The following TRAPPC11 variants were observed in gnomAD, a reference collection of about 807,000 sequenced individuals.
The protein encoded by TRAPPC11 is trafficking protein particle complex subunit 11.
TRAPPC11 carries 104 observed loss-of-function variants against 151.2 expected under a neutral mutation model. That is an observed-to-expected ratio of 0.69 (90% CI 0.59 to 0.81). The LOEUF (loss-of-function observed/expected upper bound fraction) is 0.81, where lower values mean the gene tolerates loss of function less well. Among genes scored for constraint, TRAPPC11 ranks in the 30% least tolerant of loss-of-function variants. The probability of loss-of-function intolerance (pLI) is 0.00; values close to 1 mark genes in which losing one functional copy is unlikely to be tolerated. For synonymous variants in TRAPPC11, 456 were observed against 472.3 expected, an observed-to-expected ratio of 0.97 and a Z score of 0.45; for missense variants, 1,230 against 1,349.6, an observed-to-expected ratio of 0.91 and a Z score of 1.39.
chr4:183,666,940 C>T (rs1213742022), intron 3 of TRAPPC11, 120 bp from the exon 4 acceptor site: 2 of 709,802 alleles, frequency 2.8e-6, no homozygotes, highest in African/African-American at 3.6e-5. Context: ...TTCTTCTGAT[C>T]TTGGTTTTTT....
At chr4:183,681,426 C>T (rs1196324354) in intron 10 of TRAPPC11, among the ~76,000 whole-genome samples, 1 of 151,622 alleles carries the variant, frequency 6.6e-6, no homozygotes, top group African/African-American at 2.4e-5. Context: ...TAAAAAGTGA[C>T]TAAAACTAGG....
Position 183,712,879 on chromosome 4 carries a change from A to C in TRAPPC11, c.*235A>C. 1 of 457,222 alleles carries C rather than the reference A, an allele frequency of 2.2e-6. No homozygotes were observed. Among genetic ancestry groups the C allele is most frequent in the Middle Eastern group, 5.6e-4 (1 of 1,796 alleles). 28.3% of individuals were successfully genotyped at this position (457,222 alleles called of 1,614,324 possible). The stretch of plus-strand genomic sequence containing the variant: ...GTACGACATGAAAGAATGTCAGACC[A>C]TTGTTATTGTTGAAAGTCATTTGAT... On this transcript the variant is annotated 3_prime_UTR_variant, in exon 30 of 30. Transcript: ENST00000334690.
chr4:183,673,714 A>G (rs893533664), intron 5 of TRAPPC11, among the ~76,000 whole-genome samples: 2 of 152,208 alleles, frequency 1.3e-5, no homozygotes, highest in African/African-American at 4.8e-5. Context: ...AAATGAAATG[A>G]AATGAAATAT....
intron 27 of TRAPPC11, chr4:183,706,100 C>CACACACACACACACACACACA (rs1161888168): frequency 1.5e-5 from 2 of 135,078 alleles, no homozygotes; most frequent in African/African-American, 5.4e-5. Context: ...ACACACACAC[C>CACACACACACACACACACACA]CACCAAACAA....
At chr4:183,667,009 T>C in intron 3 of TRAPPC11, 51 bp from the exon 4 acceptor site, 1 of 1,465,768 alleles carries the variant, frequency 6.8e-7, no homozygotes, top group South Asian at 1.3e-5. Context: ...AAGTCATGAA[T>C]ACATTTTTTA....
chr4:183,685,851 C>T (rs556049539), intron 17 of TRAPPC11, among the ~76,000 whole-genome samples: 9 of 151,554 alleles, frequency 5.9e-5, no homozygotes, highest in South Asian at 2.1e-4. Context: ...TTTTCTTTTT[C>T]GAGACAGGGT....
chr4:183,709,527 G>A (rs751002721), intron 29 of TRAPPC11, among the ~76,000 whole-genome samples: 3 of 152,160 alleles, frequency 2.0e-5, no homozygotes, highest in African/African-American at 4.8e-5. Flanking sequence ...TGTAATCCCA[G>A]CACTTTGGGA....
Position 183,706,820 on chromosome 4 carries a change from TG to T in TRAPPC11, c.3072del (p.Arg1025ValfsTer18). On this transcript the variant is annotated frameshift_variant, in exon 28 of 30. Coordinates refer to ENST00000334690, the MANE Select transcript of TRAPPC11 (RefSeq NM_021942.6). LOFTEE classifies it high-confidence loss of function. ...CTTTCTCTGTAGATCTGCCGTCATTTGGGCGTGTCAGAGAGTCGTTACCTGT... is the reference window on the plus strand; with the variant it reads ...CTTTCTCTGTAGATCTGCCGTCATTTGGCGTGTCAGAGAGTCGTTACCTGT... The part of the protein sequence containing the change: ...LHVNADLPSF[G>X]RVRESLPVKY... 3.1e-6 allele frequency: 5 copies of T among 1,613,320 alleles called. No individual in the cohort carries two copies. Among genetic ancestry groups the T allele is most frequent in the Non-Finnish European group, 4.2e-6 (5 of 1,179,438 alleles).
intron 17 of TRAPPC11, among the ~76,000 whole-genome samples, chr4:183,685,971 T>C (rs1735944206): frequency 6.6e-6 from 1 of 152,152 alleles, no homozygotes. Flanking sequence ...CTAGCTGAGA[T>C]TACTTATGGG....
intron 3 of TRAPPC11, chr4:183,666,838 T>C: frequency 2.1e-6 from 1 of 478,848 alleles, no homozygotes; most frequent in Non-Finnish European, 3.8e-6. Flanking sequence ...CTTTTGCTTT[T>C]AAGGAAGATT....
intron 23 of TRAPPC11, among the ~76,000 whole-genome samples, chr4:183,695,139 G>T (rs977932538): frequency 6.6e-6 from 1 of 151,738 alleles, no homozygotes; most frequent in Non-Finnish European, 1.5e-5. Flanking sequence ...TAGTAGATAC[G>T]GGGTTTCTCC....
Position 183,665,570 on chromosome 4 carries a change from T to C in TRAPPC11, c.205-687T>C, listed in dbSNP as rs954435846. 2.0e-5 allele frequency among the ~76,000 whole-genome samples: 3 copies of C among 152,258 alleles called. No individual in the cohort carries two copies. The East Asian group carries it at 5.8e-4, about 29-fold the overall frequency. On this transcript the variant is annotated intron_variant, in intron 2 of 29. Coordinates refer to ENST00000334690, the MANE Select transcript of TRAPPC11 (RefSeq NM_021942.6). The stretch of plus-strand genomic sequence containing the variant: ...CTTCCTTATTGACCTCATCTTTCCT[T>C]GCTGGAGGTAGACATTGGATCACCA...
In TRAPPC11 at chr4:183,677,438, T is replaced by A. The variant is rs1735468578; in HGVS notation, c.735-20T>A. 2 of 1,403,664 alleles carry A rather than the reference T, an allele frequency of 1.4e-6. No homozygotes were observed. Among genetic ancestry groups the A allele is most frequent in the Non-Finnish European group, 1.0e-6 (1 of 995,668 alleles). 87.0% of individuals were successfully genotyped at this position (1,403,664 alleles called of 1,614,324 possible). A position where few individuals can be genotyped will look rare whatever the true frequency, so the allele number is the denominator to read the frequency against. ...CGTTTATTAAACTAATTTATATCAT[T>A]AACCACCCTCCTCATTTAGGAATTA... is the stretch of plus-strand genomic sequence containing the variant. On this transcript the variant is annotated intron_variant, in intron 7 of 29. Coordinates refer to ENST00000334690, the MANE Select transcript of TRAPPC11 (RefSeq NM_021942.6).
intron 1 of TRAPPC11, among the ~76,000 whole-genome samples, chr4:183,661,003 T>C (rs572306467): frequency 1.7e-3 from 259 of 151,970 alleles, no homozygotes; most frequent in Non-Finnish European, 3.1e-3. Context: ...TGAGCCGCTG[T>C]ACCCAGCCTG....
At chr4:183,685,455 C>T in intron 17 of TRAPPC11, 52 bp downstream of exon 17, 3 of 1,558,558 alleles carry the variant, frequency 1.9e-6, no homozygotes, top group Non-Finnish European at 2.6e-6. Flanking sequence ...CTTATTTCTA[C>T]AAAATGAATA....
At chr4:183,698,874 A>G (rs1736672819) in intron 25 of TRAPPC11, among the ~76,000 whole-genome samples, 1 of 152,128 alleles carries the variant, frequency 6.6e-6, no homozygotes, top group African/African-American at 2.4e-5. Flanking sequence ...GCAGAGAAAA[A>G]CTACACTCCT....
chr4:183,677,571 CA>C lies in TRAPPC11; in HGVS notation c.831+20del. On this transcript the variant is annotated intron_variant, in intron 8 of 29. Transcript: ENST00000334690. ...AACTACAAGGTAATAATTCTGCTTCCAAATACAGGGAATTTGTGTTTCAATA... is the reference window on the plus strand; with the variant it reads ...AACTACAAGGTAATAATTCTGCTTCCAATACAGGGAATTTGTGTTTCAATA... 7.9e-7 allele frequency: 1 copy of C among 1,261,788 alleles called. No individual in the cohort carries two copies. The highest frequency in any genetic ancestry group is 1.1e-6 in the Non-Finnish European group (1 of 874,412). 78.2% of individuals were successfully genotyped at this position (1,261,788 alleles called of 1,614,324 possible).
chr4:183,664,165 A>G (rs111658840), intron 2 of TRAPPC11, 94 bp downstream of exon 2: 22,256 of 1,127,034 alleles, frequency 0.02, 293 homozygotes, highest in Non-Finnish European at 0.025. Flanking sequence ...GGAGTTTATC[A>G]AGACAGTGGT....
intron 11 of TRAPPC11, chr4:183,683,738 A>T (rs1735817786): frequency 1.9e-6 from 1 of 518,860 alleles, no homozygotes; most frequent in Admixed American, 3.2e-5. Context: ...TGCTTTTCAG[A>T]TCGTTGATTC....
Sources: gnomAD v4.1 joint callset for allele counts (sites outside exome capture counted in the v4.1 genomes callset) on GRCh38, gnomAD v4.1.1 for gene constraint, MANE v1.5 for transcripts, NCBI Gene and HGNC (gene_info 2026-07-23, HGNC 2026-07-21) for gene names.